UGT1A6: variants seen among roughly 807,000 people sequenced by gnomAD.
UGT1A6 encodes UDP-glucuronosyltransferase 1A6.
Under a neutral mutation model 44.4 loss-of-function variants are expected in UGT1A6, and 32 were observed. The observed-to-expected ratio is 0.72, with a 90% CI of 0.54 to 0.97. The LOEUF (loss-of-function observed/expected upper bound fraction) is 0.97. UGT1A6 is among the 50% of genes least tolerant of loss of function. The pLI is 0.00. For synonymous variants in UGT1A6, 238 were observed against 248.5 expected (o/e 0.96, Z 0.40); for missense variants, 685 against 661.9 (o/e 1.03, Z -0.38).
Position 233,750,958 on chromosome 2 carries a change from G to T in UGT1A6, c.862-16076G>T, listed in dbSNP as rs922419338. 9.9e-5 allele frequency among the ~76,000 whole-genome samples: 15 copies of T among 151,802 alleles called. 1 individual carries two copies. The highest frequency in any genetic ancestry group is 3.6e-4 in the African/African-American group (15 of 41,098). On this transcript the variant is annotated intron_variant, in intron 1 of 4. Transcript: ENST00000305139. ...GAGCCCCCACACAGAGTCTCCACTG[G>T]GGCACTGCCTAGTGGAGTTGTGAGA...
At chr2:233,760,529 T>C (rs1169787218) in intron 1 of UGT1A6, 1 of 1,614,248 alleles carries the variant, frequency 6.2e-7, no homozygotes, top group Middle Eastern at 1.6e-4. Flanking sequence ...ACGTACCCTG[T>C]GCCATTCCAA....
intron 1 of UGT1A6, among the ~76,000 whole-genome samples, chr2:233,700,325 CCT>C (rs1265202674): frequency 6.6e-6 from 1 of 152,188 alleles, no homozygotes; most frequent in Non-Finnish European, 1.5e-5. Flanking sequence ...TAAAATTCTG[CCT>C]CTCTTTCAAA....
rs189644754 is a variant in UGT1A6 at position 233,743,962 on chromosome 2, C to T, written c.862-23072C>T. 923 of 1,331,616 alleles carry T rather than the reference C, an allele frequency of 6.9e-4. 28 individuals are homozygous for T. The African/African-American group carries it at 0.013, about 18-fold the overall frequency. The allele number at this position is 1,331,616 out of a possible 1,614,324, so 82.5% of individuals were successfully genotyped here. On this transcript the variant is annotated intron_variant, in intron 1 of 4. Coordinates refer to ENST00000305139, the MANE Select transcript of UGT1A6 (RefSeq NM_001072.4). ...CACCAGGCACTGGCACAGCGAGCGG[C>T]AAGGCTGCCAGCACCCAGGCGCAGG...
chr2:233,743,240 T>G (rs1692244875), intron 1 of UGT1A6: 1 of 425,178 alleles, frequency 2.4e-6, no homozygotes, highest in South Asian at 1.7e-5. Context: ...TATGAAGGAC[T>G]TTAACTCAAC....
intron 1 of UGT1A6, chr2:233,748,143 A>G (rs1693880187): frequency 6.2e-7 from 1 of 1,607,740 alleles, no homozygotes; most frequent in Non-Finnish European, 8.5e-7. Flanking sequence ...AATTGTATTT[A>G]CTTACAATTG....
At chr2:233,736,971 T>A (rs1183929377) in intron 1 of UGT1A6, among the ~76,000 whole-genome samples, 4 of 152,178 alleles carry the variant, frequency 2.6e-5, no homozygotes, top group Non-Finnish European at 5.9e-5. Flanking sequence ...GGGAGGTGTT[T>A]CCCAGTCAAG....
intron 1 of UGT1A6, among the ~76,000 whole-genome samples, chr2:233,742,171 A>G (rs758194375): frequency 2.0e-5 from 3 of 151,946 alleles, no homozygotes; most frequent in Non-Finnish European, 2.9e-5. Context: ...CACACACAGA[A>G]ATATAGAGTG....
chr2:233,760,884 T>A, intron 1 of UGT1A6: 1 of 1,614,196 alleles, frequency 6.2e-7, no homozygotes, highest in African/African-American at 1.3e-5. Context: ...CTCTCTCCTC[T>A]CATTCAGATC....
intron 1 of UGT1A6, among the ~76,000 whole-genome samples, chr2:233,764,762 A>G (rs1448451732): frequency 6.6e-6 from 1 of 152,160 alleles, no homozygotes; most frequent in Admixed American, 6.5e-5. Flanking sequence ...GACCCTAGGG[A>G]GGAAGGAGTT....
rs781082829 is a variant in UGT1A6, at chr2:233,693,866, G to T, written c.861+1G>T. 5 of 1,614,054 alleles carry T rather than the reference G, an allele frequency of 3.1e-6. No individual in the cohort carries two copies. The highest frequency in any genetic ancestry group is 4.2e-6 in the Non-Finnish European group (5 of 1,180,038). On this transcript the variant is annotated splice_donor_variant, in intron 1 of 4. Transcript: ENST00000305139. LOFTEE classifies it high-confidence loss of function. ...TAAGAAGAGGAAAGACTTGTCTCAG[G>T]TTGGTGGGTTTATTTCTTTTGGACT...
Position 233,725,061 on chromosome 2 carries a change from C to A in UGT1A6, c.861+31196C>A, listed in dbSNP as rs1212157566. ...AACCAGTCAGGCGTGGCGGCGCGCG[C>A]CTGCAATCGCAGGCACTCGGCAGGC... On this transcript the variant is annotated intron_variant, in intron 1 of 4. Coordinates refer to ENST00000305139, the MANE Select transcript of UGT1A6 (RefSeq NM_001072.4). Among the ~76,000 whole-genome samples, 5 of 147,130 alleles carry A rather than the reference C, an allele frequency of 3.4e-5. 1 individual carries two copies. The highest frequency in any genetic ancestry group is 1.3e-4 in the African/African-American group (5 of 39,402).
intron 1 of UGT1A6, chr2:233,743,283 G>A: frequency 2.0e-6 from 1 of 501,770 alleles, no homozygotes. Context: ...CCCTTTCTTG[G>A]CCATTCTCAA....
intron 1 of UGT1A6, chr2:233,755,457 C>G: frequency 1.4e-5 from 4 of 284,208 alleles, no homozygotes; most frequent in Non-Finnish European, 2.8e-5. Context: ...TGGGACTGGC[C>G]CTGCTCTCTG....
At position 233,750,714 on chromosome 2, in the gene UGT1A6, G is replaced by A. The variant is rs569716311; in HGVS notation, c.862-16320G>A. On this transcript the variant is annotated intron_variant, in intron 1 of 4. Coordinates refer to ENST00000305139, the MANE Select transcript of UGT1A6 (RefSeq NM_001072.4). ...TAAAAGAGGCCAAGGTAGAGCTCAG[G>A]CCATTGCTTCAGAGGGTGCAAACCT... The A allele has an allele frequency of 6.6e-5, 10 of 152,072 alleles. No individual in the cohort carries two copies. In the South Asian group the frequency reaches 8.3e-4, roughly 13 times the overall value. The allele number at this position is 152,072 out of a possible 1,614,324, so 9.4% of individuals were successfully genotyped here. A position where few individuals can be genotyped will look rare whatever the true frequency, so the allele number is the denominator to read the frequency against.
chr2:233,748,790 T>G (rs913029718), intron 1 of UGT1A6, among the ~76,000 whole-genome samples: 4 of 151,342 alleles, frequency 2.6e-5, no homozygotes, highest in African/African-American at 9.8e-5. Context: ...CTACTTGGAA[T>G]GCTGAAATTA....
chr2:233,715,223 G>C (rs1337084443), intron 1 of UGT1A6, among the ~76,000 whole-genome samples: 1 of 152,008 alleles, frequency 6.6e-6, no homozygotes, highest in Non-Finnish European at 1.5e-5. Flanking sequence ...TACTGAATCT[G>C]CCCAATTCTG....
Position 233,772,406 on chromosome 2 carries a change from G to A in UGT1A6, c.1446G>A (p.Trp482Ter), listed in dbSNP as rs866632307. Residue 482 changes from tryptophan to a stop codon, truncating the protein, a stop_gained, in exon 5 of 5, where the codon TGG (tryptophan) becomes TGA (stop). Transcript: ENST00000305139. LOFTEE classifies it high-confidence loss of function. ...GCCCCGCAGCCCACGACCTCACCTGGTACCAGTACCATTCCTTGGACGTGA... is the reference window on the plus strand; with the variant it reads ...GCCCCGCAGCCCACGACCTCACCTGATACCAGTACCATTCCTTGGACGTGA... The part of the protein sequence containing the change: ...HLRPAAHDLT[W>*]YQYHSLDVIG... 1 of 1,614,238 alleles carries A rather than the reference G, an allele frequency of 6.2e-7. No homozygotes were observed. Among genetic ancestry groups the A allele is most frequent in the Middle Eastern group, 1.6e-4 (1 of 6,062 alleles).
chr2:233,743,524 C>G (rs751668012), intron 1 of UGT1A6: 19 of 1,367,170 alleles, frequency 1.4e-5, no homozygotes, highest in Non-Finnish European at 1.8e-5. Flanking sequence ...GCTTCTGCTT[C>G]CCCAGCAGTT....
In UGT1A6 at chr2:233,772,139, G is replaced by T. The variant is rs1700470475; in HGVS notation, c.1302-123G>T. ...AAAAACAACAACAACAACAATAATA[G>T]AAACAGGTTTCCTTTCCCAAGTTTG... On this transcript the variant is annotated intron_variant, in intron 4 of 4. Coordinates refer to ENST00000305139, the MANE Select transcript of UGT1A6 (RefSeq NM_001072.4). The T allele has an allele frequency of 5.2e-6, 8 of 1,548,574 alleles. No homozygotes were observed. In the Admixed American group the frequency reaches 1.2e-4, roughly 23 times the overall value.
Sources: allele counts gnomAD v4.1 joint callset (sites outside exome capture counted in the v4.1 genomes callset), GRCh38; gene constraint gnomAD v4.1.1; transcripts MANE v1.5; gene names NCBI Gene and HGNC (gene_info 2026-07-23, HGNC 2026-07-21).